RAD21: variants seen among roughly 807,000 people sequenced by gnomAD.
RAD21 encodes the protein double-strand-break repair protein rad21 homolog.
Under a neutral mutation model 71.5 loss-of-function variants are expected in RAD21, and 18 were observed. That is an observed-to-expected ratio of 0.25 (90% CI 0.17 to 0.37). The LOEUF (loss-of-function observed/expected upper bound fraction) is 0.37, where lower values mean the gene tolerates loss of function less well. Ranked by LOEUF, RAD21 falls within the 10% of genes least tolerant of loss-of-function variation. The pLI is 1.00. For missense variants in RAD21, 493 were observed against 769.1 expected, an observed-to-expected ratio of 0.64 and a Z score of 4.25; for synonymous variants, 248 against 254.0, an observed-to-expected ratio of 0.98 and a Z score of 0.22.
At chr8:116,850,285 G>A (rs1040898653) in intron 12 of RAD21, among the ~76,000 whole-genome samples, 2 of 152,036 alleles carry the variant, frequency 1.3e-5, no homozygotes, top group South Asian at 4.1e-4. Flanking sequence ...GGTTATATCA[G>A]AAGCAGACAA....
At chr8:116,860,264 A>G (rs1812562498) in intron 4 of RAD21, among the ~76,000 whole-genome samples, 1 of 152,218 alleles carries the variant, frequency 6.6e-6, no homozygotes, top group Non-Finnish European at 1.5e-5. Context: ...AATATTGCTG[A>G]AACAACTACA....
At chr8:116,868,457 T>A (rs558741260) in intron 1 of RAD21, among the ~76,000 whole-genome samples, 2 of 152,324 alleles carry the variant, frequency 1.3e-5, no homozygotes, top group African/African-American at 4.8e-5. Flanking sequence ...GCTATAAATA[T>A]TCATGTACAG....
intron 3 of RAD21, among the ~76,000 whole-genome samples, chr8:116,862,160 A>C (rs1375016168): frequency 6.6e-6 from 1 of 152,186 alleles, no homozygotes; most frequent in Non-Finnish European, 1.5e-5. Flanking sequence ...CATTAAGCTC[A>C]TAAATGTTTA....
intron 12 of RAD21, 136 bp downstream of exon 12, chr8:116,850,482 G>C (rs1812326272): frequency 7.3e-7 from 1 of 1,363,818 alleles, no homozygotes; most frequent in Admixed American, 2.3e-5. Context: ...CGAAGAATAT[G>C]GTAAAATTTT....
chr8:116,858,227 TTGA>T (rs1812512492), intron 5 of RAD21, 122 bp downstream of exon 5: 1 of 697,298 alleles, frequency 1.4e-6, no homozygotes, highest in African/African-American at 1.8e-5. Flanking sequence ...AATTCTTTTC[TTGA>T]TGAAAATGCA....
chr8:116,862,809 A>T (rs558135620), intron 3 of RAD21, among the ~76,000 whole-genome samples: 1 of 152,252 alleles, frequency 6.6e-6, no homozygotes, highest in East Asian at 1.9e-4. Flanking sequence ...AAATCATCAC[A>T]TAACAATTAG....
intron 1 of RAD21, among the ~76,000 whole-genome samples, chr8:116,868,342 T>C (rs1427948619): frequency 6.6e-6 from 1 of 152,246 alleles, no homozygotes; most frequent in Non-Finnish European, 1.5e-5. Context: ...TCCCTTTTAC[T>C]GTTGGACAGC....
chr8:116,850,595 A>T, intron 12 of RAD21, 23 bp downstream of exon 12: 1 of 1,600,916 alleles, frequency 6.2e-7, no homozygotes, highest in Non-Finnish European at 8.5e-7. Flanking sequence ...TAAATCTGGA[A>T]TGAAAATTAT....
Position 116,848,957 on chromosome 8 carries a change from G to A in RAD21, c.1693C>T (p.His565Tyr). Reference sequence around the variant, plus strand: ...AACAGCGGCAATACCTGAAGACCATGAAGCATCTGCTGAGTCCTTTTGTTC... The same window carrying A: ...AACAGCGGCAATACCTGAAGACCATAAAGCATCTGCTGAGTCCTTTTGTTC... The part of the protein sequence containing the change: ...RWNKRTQQML[H>Y]GLQRALAKTG... Residue 565 changes from histidine (H) to tyrosine (Y), a missense_variant, in exon 13 of 14, where the codon CAT becomes TAT. Physicochemically the swap from His to Tyr is moderately conservative, Grantham distance 83. This residue lies in a region of RAD21 where 225 missense variants were observed against 218.3 expected (regional missense o/e 1.03). Transcript: ENST00000297338. 6.2e-7 allele frequency: 1 copy of A among 1,608,360 alleles called. No individual in the cohort carries two copies. Among genetic ancestry groups the A allele is most frequent in the Non-Finnish European group, 8.5e-7 (1 of 1,177,188 alleles).
At chr8:116,852,741 TATAAA>T (rs1247479035) in intron 9 of RAD21, 33 bp from the exon 10 acceptor site, 12 of 1,386,016 alleles carry the variant, frequency 8.7e-6, no homozygotes, top group African/African-American at 1.5e-5. Flanking sequence ...AAATTTCAAT[TATAAA>T]ATAAATCTAA....
intron 9 of RAD21, 73 bp downstream of exon 9, chr8:116,854,172 C>A: frequency 8.0e-7 from 1 of 1,256,648 alleles, no homozygotes; most frequent in Non-Finnish European, 1.1e-6. Context: ...AAAAATGATT[C>A]AAAGGTTTTA....
chr8:116,864,269 CA>C (rs1812648131), intron 2 of RAD21, among the ~76,000 whole-genome samples: 1 of 151,982 alleles, frequency 6.6e-6, no homozygotes, highest in Non-Finnish European at 1.5e-5. Flanking sequence ...TTTCCCAAAC[CA>C]CGCCATAAAG....
At chr8:116,874,284 G>A (rs1245657722) in intron 1 of RAD21, 1 of 152,502 alleles carries the variant, frequency 6.6e-6, no homozygotes, top group Non-Finnish European at 1.5e-5. Context: ...GGGTTTCCCC[G>A]GCCTCCTGGG....
intron 11 of RAD21, chr8:116,851,231 A>T (rs1812342321): frequency 6.6e-6 from 1 of 152,546 alleles, no homozygotes; most frequent in African/African-American, 2.4e-5. Flanking sequence ...TTTAAAAGAA[A>T]CTAAAGAATT....
chr8:116,856,758 A>G lies in RAD21; in HGVS notation c.702T>C (p.Ile234=). ...NDGGILDDKL[I]SNNDGGIFDD... is the part of the protein sequence containing the mutation. ...CAAAGATACCGCCATCATTATTACTAATAAGTTTGTCATCTGAAATAGGGA... is the reference window on the plus strand; with the variant it reads ...CAAAGATACCGCCATCATTATTACTGATAAGTTTGTCATCTGAAATAGGGA... Residue 234 remains isoleucine, a synonymous_variant, in exon 7 of 14, where the codon ATT becomes ATC. Transcript: ENST00000297338. The G allele has an allele frequency of 6.5e-7, 1 of 1,527,940 alleles. No individual in the cohort carries two copies. Among genetic ancestry groups the G allele is most frequent in the Non-Finnish European group, 8.8e-7 (1 of 1,135,050 alleles). 94.6% of individuals were successfully genotyped at this position (1,527,940 alleles called of 1,614,324 possible). A position where few individuals can be genotyped will look rare whatever the true frequency, so the allele number is the denominator to read the frequency against.
At chr8:116,871,835 A>G (rs1812827407) in intron 1 of RAD21, among the ~76,000 whole-genome samples, 1 of 152,226 alleles carries the variant, frequency 6.6e-6, no homozygotes, top group Admixed American at 6.5e-5. Context: ...AAGATAAGTA[A>G]ATGTCACTAG....
chr8:116,871,864 C>T (rs1298054731), intron 1 of RAD21, among the ~76,000 whole-genome samples: 1 of 152,198 alleles, frequency 6.6e-6, no homozygotes, highest in East Asian at 1.9e-4. Context: ...GGAAGTGGAA[C>T]TTGAACTTCA....
intron 1 of RAD21, among the ~76,000 whole-genome samples, chr8:116,869,522 T>C (rs1017787662): frequency 2.0e-5 from 3 of 151,978 alleles, no homozygotes; most frequent in Non-Finnish European, 4.4e-5. Context: ...GCTGTGGAGG[T>C]TGCAGCGAGC....
chr8:116,873,884 A>G (rs1308981205), intron 1 of RAD21, among the ~76,000 whole-genome samples: 2 of 152,222 alleles, frequency 1.3e-5, no homozygotes, highest in Non-Finnish European at 2.9e-5. Flanking sequence ...TAATCACTTT[A>G]AAGAATGATC....
Sources: allele counts gnomAD v4.1 joint callset (sites outside exome capture counted in the v4.1 genomes callset), GRCh38; gene constraint gnomAD v4.1.1; regional missense constraint gnomAD v4.1.1; transcripts MANE v1.5; gene names NCBI Gene and HGNC (gene_info 2026-07-23, HGNC 2026-07-21).